Variants in CTNNA2 observed in about 807,000 individuals in gnomAD.
CTNNA2 encodes the protein catenin alpha 2.
A neutral mutation model predicts 101.0 loss-of-function variants in CTNNA2; 42 were observed. The ratio of observed to expected loss-of-function variants is 0.42; its 90% CI spans 0.32 to 0.54. The LOEUF (loss-of-function observed/expected upper bound fraction) is 0.54. Ranked by LOEUF, CTNNA2 falls within the 20% of genes least tolerant of loss-of-function variation. The pLI is 0.14. For synonymous variants in CTNNA2, 450 were observed against 456.4 expected (o/e 0.99, Z 0.18); for missense variants, 871 against 1,223.1 (o/e 0.71, Z 4.29).
chr2:80,166,295 AC>A (rs1002440366), intron 7 of CTNNA2, among the ~76,000 whole-genome samples: 1 of 152,038 alleles, frequency 6.6e-6, no homozygotes, highest in African/African-American at 2.4e-5. Flanking sequence ...TGGAACTTTC[AC>A]CCCCACTCTA....
chr2:79,859,819 G>T (rs1056385420), intron 4 of CTNNA2, among the ~76,000 whole-genome samples: 1 of 151,982 alleles, frequency 6.6e-6, no homozygotes, highest in Non-Finnish European at 1.5e-5. Flanking sequence ...GTTTCATCTT[G>T]GTTTGGTATC....
intron 4 of CTNNA2, among the ~76,000 whole-genome samples, chr2:79,415,231 T>C (rs781540878): frequency 1.3e-5 from 2 of 152,100 alleles, no homozygotes; most frequent in South Asian, 2.1e-4. Context: ...TTTAAAAGAA[T>C]GTGGCACCTC....
chr2:79,645,773 A>G (rs1680774605), intron 1 of CTNNA2, among the ~76,000 whole-genome samples: 1 of 152,220 alleles, frequency 6.6e-6, no homozygotes, highest in Admixed American at 6.5e-5. Context: ...TAATAATATA[A>G]TGTTATCACC....
chr2:80,542,820 A>C (rs564142062), intron 9 of CTNNA2, among the ~76,000 whole-genome samples: 40 of 152,276 alleles, frequency 2.6e-4, no homozygotes, highest in African/African-American at 9.4e-4. Context: ...TGAATATTAA[A>C]AGGTAGAACT....
At chr2:79,645,655 T>C (rs747543767) in intron 1 of CTNNA2, among the ~76,000 whole-genome samples, 4 of 152,152 alleles carry the variant, frequency 2.6e-5, no homozygotes, top group African/African-American at 7.2e-5. Context: ...CCTACCCCAA[T>C]TGGTGTCTTG....
rs67782114 is a variant in CTNNA2, at chr2:79,664,705, C to CTTTT, written c.102+13070_102+13073dup. 1.6e-3 allele frequency among the ~76,000 whole-genome samples: 151 copies of CTTTT among 94,976 alleles called. 16 individuals carry two copies. Among genetic ancestry groups the CTTTT allele is most frequent in the African/African-American group, 6.0e-3 (137 of 22,934 alleles). The allele number at this position is 94,976 out of a possible 152,430, so 62.3% of individuals were successfully genotyped here. ...TAAATTCTGGAGAATTCACATTCTT[C>CTTTT]TTTTTTTTTTTTTTTTTTTTTTTTT... On this transcript the variant is annotated intron_variant, in intron 2 of 18. Coordinates refer to ENST00000402739, the MANE Select transcript of CTNNA2 (RefSeq NM_001282597.3).
chr2:80,562,139 T>TATTCCTAAGTATTTTGAATACTTAG (rs201159612), intron 12 of CTNNA2, among the ~76,000 whole-genome samples: 11,482 of 152,202 alleles, frequency 0.075, 581 homozygotes, highest in Middle Eastern at 0.15. Flanking sequence ...ATCTTAGGAC[T>TATTCCTAAGTATTTTGAATACTTAG]GTTAACCTTT....
At chr2:79,833,127 A>T (rs1167892947) in intron 3 of CTNNA2, among the ~76,000 whole-genome samples, 1 of 152,202 alleles carries the variant, frequency 6.6e-6, no homozygotes, top group Non-Finnish European at 1.5e-5. Flanking sequence ...TGATTTTGAG[A>T]ATTTCCTCAA....
chr2:80,226,901 C>A (rs746937244), intron 7 of CTNNA2, among the ~76,000 whole-genome samples: 1 of 152,150 alleles, frequency 6.6e-6, no homozygotes, highest in Admixed American at 6.6e-5. Flanking sequence ...CCGAGTGTCA[C>A]CCCCCTTCAC....
intron 2 of CTNNA2, among the ~76,000 whole-genome samples, chr2:79,213,507 G>A (rs796479118): frequency 3.9e-5 from 6 of 152,306 alleles, no homozygotes; most frequent in African/African-American, 1.2e-4. Context: ...GAGCAGAGCA[G>A]TAGCCTTAAT....
At chr2:80,525,100 T>G (rs757314243) in intron 9 of CTNNA2, among the ~76,000 whole-genome samples, 10 of 151,974 alleles carry the variant, frequency 6.6e-5, no homozygotes, top group Non-Finnish European at 1.0e-4. Flanking sequence ...TAATTAAATG[T>G]GGTGAGTGAG....
At chr2:79,482,296 T>G (rs555400720) in intron 4 of CTNNA2, among the ~76,000 whole-genome samples, 1 of 152,192 alleles carries the variant, frequency 6.6e-6, no homozygotes, top group Non-Finnish European at 1.5e-5. Flanking sequence ...ATACATTTCC[T>G]TGGAAAAGTA....
chr2:79,595,939 C>T (rs1392943509), intron 1 of CTNNA2, among the ~76,000 whole-genome samples: 1 of 150,076 alleles, frequency 6.7e-6, no homozygotes, highest in East Asian at 2.0e-4. Flanking sequence ...CCTCTGTGAG[C>T]GTATGACACA....
chr2:80,145,983 G>A (rs1049981276), intron 7 of CTNNA2, among the ~76,000 whole-genome samples: 1 of 152,174 alleles, frequency 6.6e-6, no homozygotes, highest in East Asian at 1.9e-4. Flanking sequence ...CATAGAATGT[G>A]GCAGGAGTAT....
chr2:79,521,140 ATATATATATATATATATATATAT>A (rs1672091631), intron 1 of CTNNA2, among the ~76,000 whole-genome samples: 8 of 33,368 alleles, frequency 2.4e-4, no homozygotes, highest in African/African-American at 1.2e-3. Context: ...ATATATATAT[ATATATATATATATATATATATAT>A]ATATAAATTT....
chr2:80,462,619 C>CTTTA (rs200439762), intron 9 of CTNNA2, among the ~76,000 whole-genome samples: 2,800 of 122,326 alleles, frequency 0.023, 53 homozygotes, highest in Admixed American at 0.068. Flanking sequence ...TCCTTTCCTT[C>CTTTA]TTTCTTTCTT....
At chr2:79,241,889 C>G (rs1248302112) in intron 2 of CTNNA2, among the ~76,000 whole-genome samples, 1 of 49,068 alleles carries the variant, frequency 2.0e-5, no homozygotes, top group South Asian at 6.5e-4. Context: ...TGGGTATTTT[C>G]TTTTCTTTTC....
At chr2:80,625,497 T>A (rs1671589312) in intron 18 of CTNNA2, among the ~76,000 whole-genome samples, 1 of 150,430 alleles carries the variant, frequency 6.6e-6, no homozygotes, top group African/African-American at 2.5e-5. Flanking sequence ...CAGGAAGACT[T>A]CTTTGATATT....
rs924801234 is a variant in CTNNA2, at chr2:80,161,013, G to T, written c.1057-232198G>T. Among the ~76,000 whole-genome samples the T allele has an allele frequency of 5.9e-5, 9 of 151,726 alleles. No homozygotes were observed. In the East Asian group the frequency reaches 1.7e-3, roughly 29 times the overall value. On this transcript the variant is annotated intron_variant, in intron 7 of 18. Coordinates refer to ENST00000402739, the MANE Select transcript of CTNNA2 (RefSeq NM_001282597.3). ...TTGACTTTTGCCAATTGCTTTTTCT[G>T]CATCAATTGATATCATTGTGTGAAT...
Sources: allele counts gnomAD v4.1 joint callset (sites outside exome capture counted in the v4.1 genomes callset), GRCh38; gene constraint gnomAD v4.1.1; transcripts MANE v1.5; gene names NCBI Gene and HGNC (gene_info 2026-07-23, HGNC 2026-07-21).